Variants in CDK12 observed in about 807,000 individuals in gnomAD.
CDK12 encodes cyclin dependent kinase 12, also known as cyclin-dependent kinase 12.
CDK12 carries 17 observed loss-of-function variants against 133.8 expected under a neutral mutation model. That is an observed-to-expected ratio of 0.13 (90% CI 0.09 to 0.19). The LOEUF is 0.19. Ranked by LOEUF, CDK12 falls within the 10% of genes least tolerant of loss-of-function variation. The pLI, the probability that CDK12 is intolerant of heterozygous loss-of-function variation, is 1.00. For synonymous variants in CDK12, 694 were observed against 683.6 expected, an observed-to-expected ratio of 1.02 and a Z score of -0.24; for missense variants, 1,508 against 1,818.7, an observed-to-expected ratio of 0.83 and a Z score of 3.11.
chr17:39,554,893 CAAA>C (rs11367982), intron 2 of CDK12, among the ~76,000 whole-genome samples: 14 of 87,334 alleles, frequency 1.6e-4, no homozygotes, highest in Non-Finnish European at 1.8e-4. Context: ...GACTCCGTCT[CAAA>C]AAAAAAAAAA....
intron 13 of CDK12, among the ~76,000 whole-genome samples, chr17:39,529,573 CTTCTGTCTCAGTGGT>C (rs892467129): frequency 1.9e-4 from 29 of 152,178 alleles, no homozygotes; most frequent in Non-Finnish European, 3.8e-4. Context: ...TTCTACCATA[CTTCTGTCTCAGTGGT>C]TTTCTTTGTC....
chr17:39,516,830 T>A (rs1220649380), intron 9 of CDK12, among the ~76,000 whole-genome samples: 2 of 151,564 alleles, frequency 1.3e-5, no homozygotes, highest in Non-Finnish European at 2.9e-5. Flanking sequence ...ACGCGGCTCA[T>A]TTTTTTGTAT....
At chr17:39,485,404 C>T (rs1468532266) in intron 2 of CDK12, among the ~76,000 whole-genome samples, 1 of 133,914 alleles carries the variant, frequency 7.5e-6, no homozygotes, top group Admixed American at 7.9e-5. Context: ...TAGGCATCCC[C>T]CCCCTTTTTT....
intron 2 of CDK12, among the ~76,000 whole-genome samples, chr17:39,551,940 A>G (rs2055970194): frequency 6.6e-6 from 1 of 152,168 alleles, no homozygotes; most frequent in African/African-American, 2.4e-5. Context: ...TAGGTTAGGG[A>G]CAAGGATAGG....
chr17:39,499,208 CTTTTTTT>C (rs751699241), intron 5 of CDK12, among the ~76,000 whole-genome samples: 1 of 12,446 alleles, frequency 8.0e-5, no homozygotes, highest in Non-Finnish European at 1.2e-4. Context: ...TCTTTCTTTC[CTTTTTTT>C]TTTTTTTTTG....
intron 6 of CDK12, among the ~76,000 whole-genome samples, chr17:39,505,512 A>G (rs1292416745): frequency 7.5e-6 from 1 of 133,428 alleles, no homozygotes; most frequent in Non-Finnish European, 1.6e-5. Context: ...TGACAGAGCG[A>G]GACTCCGTCT....
intron 1 of CDK12, among the ~76,000 whole-genome samples, chr17:39,470,528 T>A (rs2049715529): frequency 6.6e-6 from 1 of 152,196 alleles, no homozygotes; most frequent in South Asian, 2.1e-4. Context: ...TGCATCCAGT[T>A]TCTCCTATTG....
intron 2 of CDK12, among the ~76,000 whole-genome samples, chr17:39,488,560 A>G (rs1378403276): frequency 6.6e-6 from 1 of 152,120 alleles, no homozygotes; most frequent in Non-Finnish European, 1.5e-5. Flanking sequence ...TTACAGGGAA[A>G]GCATTCTAAA....
intron 13 of CDK12, 134 bp downstream of exon 13, chr17:39,526,450 A>G: frequency 1.5e-6 from 1 of 668,482 alleles, no homozygotes; most frequent in Non-Finnish European, 2.5e-6. Flanking sequence ...ACAGGAGAAC[A>G]TAGCACCAAG....
At chr17:39,496,122 G>A (rs1411487445) in intron 5 of CDK12, among the ~76,000 whole-genome samples, 1 of 151,954 alleles carries the variant, frequency 6.6e-6, no homozygotes, top group Non-Finnish European at 1.5e-5. Flanking sequence ...ATGTTGGCCA[G>A]GCTGGTTTCG....
chr17:39,524,627 C>T lies in CDK12; in HGVS notation c.3096-47C>T, dbSNP rs761195445. On this transcript the variant is annotated intron_variant, in intron 11 of 13. Transcript: ENST00000447079. ...AATCCTTTGCTCCTCCATTCATTCA[C>T]TGCTGCATTCCCTTACATATTTCCC... 4 of 1,496,600 alleles carry T rather than the reference C, an allele frequency of 2.7e-6. No individual in the cohort carries two copies. The East Asian group carries it at 6.8e-5, about 25-fold the overall frequency. The allele number at this position is 1,496,600 out of a possible 1,614,324, so 92.7% of individuals were successfully genotyped here. A position where few individuals can be genotyped will look rare whatever the true frequency, so the allele number is the denominator to read the frequency against.
chr17:39,480,456 T>C (rs1410958114), intron 2 of CDK12, among the ~76,000 whole-genome samples: 1 of 151,794 alleles, frequency 6.6e-6, no homozygotes, highest in East Asian at 1.9e-4. Flanking sequence ...TGTTTTGTTT[T>C]GTTTTTTTGA....
chr17:39,469,897 A>G (rs1238805743), intron 1 of CDK12, among the ~76,000 whole-genome samples: 3 of 152,154 alleles, frequency 2.0e-5, no homozygotes, highest in Admixed American at 2.0e-4. Context: ...TTGGCCTCCC[A>G]AAGTGCTGGG....
At chr17:39,519,878 G>A in intron 10 of CDK12, 78 bp from the exon 11 acceptor site, 1 of 1,561,418 alleles carries the variant, frequency 6.4e-7, no homozygotes, top group Non-Finnish European at 8.8e-7. Context: ...ACAGGTGTGA[G>A]ACCCTTTGAA....
intron 2 of CDK12, among the ~76,000 whole-genome samples, chr17:39,484,487 A>G (rs1171362593): frequency 1.3e-5 from 2 of 152,136 alleles, no homozygotes; most frequent in Non-Finnish European, 2.9e-5. Context: ...TGAGTGTCCT[A>G]TGCTAAAGGT....
intron 2 of CDK12, among the ~76,000 whole-genome samples, chr17:39,475,513 G>A (rs965091627): frequency 3.3e-5 from 5 of 151,564 alleles, no homozygotes; most frequent in South Asian, 2.1e-4. Flanking sequence ...ATTCTGCCAC[G>A]TGATGAAAAT....
intron 6 of CDK12, among the ~76,000 whole-genome samples, chr17:39,503,743 C>G (rs906191045): frequency 2.0e-5 from 3 of 152,152 alleles, no homozygotes; most frequent in Admixed American, 2.0e-4. Flanking sequence ...CTTCCCTTAC[C>G]CATTTAGCTC....
rs148170521 is a variant in CDK12 at position 39,560,780 on chromosome 17, G to A, written n.485-3980G>A. 6.3e-3 allele frequency among the ~76,000 whole-genome samples: 967 copies of A among 152,336 alleles called. 37 individuals are homozygous for A. Among genetic ancestry groups the A allele is most frequent in the East Asian group, 7.5e-3 (39 of 5,188 alleles). On this transcript the variant is annotated intron_variant and non_coding_transcript_variant, in intron 3 of 3. Coordinates refer to the CDK12 transcript ENST00000558240. Reference sequence around the variant, plus strand: ...TGTAATCCCAGCACTTTGAGAGGCCGAGGCAGGTGGATCACTTGAGGTCCA... The same window carrying A: ...TGTAATCCCAGCACTTTGAGAGGCCAAGGCAGGTGGATCACTTGAGGTCCA...
intron 13 of CDK12, among the ~76,000 whole-genome samples, 184 bp downstream of exon 13, chr17:39,526,500 A>G (rs1405191147): frequency 2.0e-5 from 3 of 152,190 alleles, no homozygotes; most frequent in Admixed American, 6.5e-5. Context: ...TTAAGTCTCA[A>G]AGCTTCCCAA....
Sources: gnomAD v4.1 joint callset for allele counts (sites outside exome capture counted in the v4.1 genomes callset) on GRCh38, gnomAD v4.1.1 for gene constraint, MANE v1.5 for transcripts, NCBI Gene and HGNC (gene_info 2026-07-23, HGNC 2026-07-21) for gene names.